THEM4: variants seen among roughly 807,000 people sequenced by gnomAD.
THEM4 encodes acyl-coenzyme A thioesterase THEM4.
THEM4 carries 22 observed loss-of-function variants against 25.0 expected under a neutral mutation model. The observed-to-expected ratio is 0.88, with a 90% CI of 0.63 to 1.26. The LOEUF is 1.26. THEM4 is among the 50% of genes most tolerant of loss of function. The pLI is 0.00. For synonymous variants in THEM4, 113 were observed against 105.6 expected, an observed-to-expected ratio of 1.07 and a Z score of -0.43; for missense variants, 286 against 300.3, an observed-to-expected ratio of 0.95 and a Z score of 0.35.
At chr1:151,878,739 T>C (rs1410512754) in intron 4 of THEM4, among the ~76,000 whole-genome samples, 1 of 152,218 alleles carries the variant, frequency 6.6e-6, no homozygotes, top group Non-Finnish European at 1.5e-5. Context: ...ACAGATCAGT[T>C]TGGTTGGCAC....
At chr1:151,907,504 G>A (rs1375301240) in intron 1 of THEM4, among the ~76,000 whole-genome samples, 1 of 152,154 alleles carries the variant, frequency 6.6e-6, no homozygotes, top group Non-Finnish European at 1.5e-5. Flanking sequence ...TTTCAAGCTA[G>A]CCCACCCCCT....
chr1:151,889,084 C>T (rs1572077304), intron 3 of THEM4, 130 bp downstream of exon 3: 1 of 573,526 alleles, frequency 1.7e-6, no homozygotes, highest in African/African-American at 1.9e-5. Context: ...TTATAAACAT[C>T]TTTCCATGTC....
intron 1 of THEM4, among the ~76,000 whole-genome samples, chr1:151,896,248 C>T (rs1654221781): frequency 6.6e-6 from 1 of 152,084 alleles, no homozygotes; most frequent in South Asian, 2.1e-4. Flanking sequence ...CCCACCTCGG[C>T]CTCCCCAAGT....
chr1:151,901,394 T>C (rs546228495), intron 1 of THEM4, among the ~76,000 whole-genome samples: 1 of 152,330 alleles, frequency 6.6e-6, no homozygotes, highest in African/African-American at 2.4e-5. Context: ...AGAATACACA[T>C]TCTATTCAAC....
intron 3 of THEM4, 100 bp from the exon 4 acceptor site, chr1:151,888,483 CTT>C (rs1654017984): frequency 1.1e-5 from 9 of 812,896 alleles, no homozygotes; most frequent in Admixed American, 2.8e-5. Flanking sequence ...ACACTATTTA[CTT>C]ATGAAAGGTC....
rs182406066 is a variant in THEM4, at chr1:151,894,244, C to G, written c.286+764G>C. ...TGGATGATTAAAAGATAATGAGTAA[C>G]TCAGAAATATCTGTGAATGATTCAA... On this transcript the variant is annotated intron_variant, in intron 2 of 5. Transcript: ENST00000368814. Among the ~76,000 whole-genome samples the G allele has an allele frequency of 1.7e-3, 261 of 152,270 alleles. 5 individuals are homozygous for G. In the South Asian group the frequency reaches 0.024, roughly 14 times the overall value.
intron 4 of THEM4, among the ~76,000 whole-genome samples, chr1:151,883,286 T>G (rs1157963597): frequency 6.6e-6 from 1 of 151,894 alleles, no homozygotes; most frequent in Non-Finnish European, 1.5e-5. Context: ...AATTTTTTTT[T>G]GCATTTTCAG....
chr1:151,897,231 A>G (rs970192865), intron 1 of THEM4, among the ~76,000 whole-genome samples: 1 of 152,192 alleles, frequency 6.6e-6, no homozygotes, highest in African/African-American at 2.4e-5. Flanking sequence ...ACCCTTATCA[A>G]TTCATTCAGA....
At chr1:151,892,555 C>A (rs541426577) in intron 2 of THEM4, among the ~76,000 whole-genome samples, 2 of 152,146 alleles carry the variant, frequency 1.3e-5, no homozygotes, top group Admixed American at 6.5e-5. Flanking sequence ...ATTCTTCCCT[C>A]GAGATATATC....
chr1:151,909,400 A>G lies in THEM4; in HGVS notation c.59T>C (p.Val20Ala). Residue 20 changes from valine (V) to alanine (A), a missense_variant, in exon 1 of 6, where the codon GTA becomes GCA. Transcript: ENST00000368814. ...RTLGALCLPPVGRRLPGSEPR... is the reference protein window; with the variant it reads ...RTLGALCLPPAGRRLPGSEPR... ...CTCGCTTCCCGGCAGGCGCCGGCCT[A>G]CTGGCGGCAGGCACAGAGCCCCCAG... 6.6e-7 allele frequency: 1 copy of G among 1,505,170 alleles called. No homozygotes were observed. The highest frequency in any genetic ancestry group is 8.8e-7 in the Non-Finnish European group (1 of 1,133,560). 93.2% of individuals were successfully genotyped at this position (1,505,170 alleles called of 1,614,324 possible). A position where few individuals can be genotyped will look rare whatever the true frequency, so the allele number is the denominator to read the frequency against.
chr1:151,877,536 T>C (rs1653709782), intron 4 of THEM4, among the ~76,000 whole-genome samples: 3 of 152,338 alleles, frequency 2.0e-5, no homozygotes, highest in South Asian at 4.1e-4. Context: ...ATAATCAACA[T>C]TTCTCATTCA....
chr1:151,895,884 A>C (rs1654211613), intron 1 of THEM4, among the ~76,000 whole-genome samples: 1 of 152,046 alleles, frequency 6.6e-6, no homozygotes, highest in South Asian at 2.1e-4. Context: ...TGGTTGTTTA[A>C]AAGTGTATAG....
chr1:151,906,117 CT>C (rs1228086487), intron 1 of THEM4, among the ~76,000 whole-genome samples: 2 of 152,270 alleles, frequency 1.3e-5, no homozygotes, highest in Non-Finnish European at 2.9e-5. Context: ...GCTCCCTCAG[CT>C]TGCAGGAAGG....
At chr1:151,894,186 T>TA (rs1278186516) in intron 2 of THEM4, among the ~76,000 whole-genome samples, 2 of 151,718 alleles carry the variant, frequency 1.3e-5, no homozygotes, top group African/African-American at 2.4e-5. Context: ...AAAAGTCAGT[T>TA]AAAAAAAACC....
At position 151,887,204 on chromosome 1, in the gene THEM4, G is replaced by A. The variant is rs191599538; in HGVS notation, c.557+1069C>T. 1.1e-3 allele frequency among the ~76,000 whole-genome samples: 163 copies of A among 152,266 alleles called. 2 individuals are homozygous for A. The highest frequency in any genetic ancestry group is 0.01 in the Middle Eastern group (3 of 294). ...AGCACTTTGGCAGGCCAAGGCAGGC[G>A]GATCACTTGAGGCCAGGAGTTTGAG... On this transcript the variant is annotated intron_variant, in intron 4 of 5. Coordinates refer to ENST00000368814, the MANE Select transcript of THEM4 (RefSeq NM_053055.5).
chr1:151,908,952 C>G (rs1654534747), intron 1 of THEM4, among the ~76,000 whole-genome samples: 1 of 152,074 alleles, frequency 6.6e-6, no homozygotes. Context: ...GGAAGATAAG[C>G]GTTTGGATCA....
chr1:151,890,311 T>C (rs900894884), intron 2 of THEM4: 2 of 390,692 alleles, frequency 5.1e-6, no homozygotes, highest in African/African-American at 2.1e-5. Flanking sequence ...ACTTACACAA[T>C]TGTGAGCAAG....
intron 1 of THEM4, among the ~76,000 whole-genome samples, chr1:151,898,791 G>A (rs1220557502): frequency 6.6e-6 from 1 of 152,202 alleles, no homozygotes. Flanking sequence ...TACCAACCCA[G>A]AGCTGGGCAG....
intron 2 of THEM4, among the ~76,000 whole-genome samples, chr1:151,891,646 C>T: frequency 6.6e-6 from 1 of 152,098 alleles, no homozygotes; most frequent in Non-Finnish European, 1.5e-5. Flanking sequence ...CATCAGAAAA[C>T]AGGATGTTTA....
Sources: allele counts gnomAD v4.1 joint callset (sites outside exome capture counted in the v4.1 genomes callset), GRCh38; gene constraint gnomAD v4.1.1; transcripts MANE v1.5; gene names NCBI Gene and HGNC (gene_info 2026-07-23, HGNC 2026-07-21).